The following C18orf54 variants were observed in gnomAD, a reference collection of about 807,000 sequenced individuals.
The protein encoded by C18orf54 is lung adenoma susceptibility protein 2.
In C18orf54, 49 loss-of-function variants were observed where a neutral mutation model predicts 49.3. The observed-to-expected ratio is 0.99, with a 90% CI of 0.79 to 1.26. C18orf54 has a LOEUF of 1.26. Ranked by LOEUF, C18orf54 falls within the 50% of genes most tolerant of loss-of-function variation. The probability of loss-of-function intolerance (pLI) is 0.00; values close to 1 mark genes in which losing one functional copy is unlikely to be tolerated. For missense variants in C18orf54, 687 were observed against 620.6 expected, an observed-to-expected ratio of 1.11 and a Z score of -1.14; for synonymous variants, 211 against 216.6, an observed-to-expected ratio of 0.97 and a Z score of 0.23.
At chr18:54,366,816 T>TG (rs1555684325) in intron 6 of C18orf54, among the ~76,000 whole-genome samples, 2 of 150,338 alleles carry the variant, frequency 1.3e-5, no homozygotes, top group Non-Finnish European at 3.0e-5. Flanking sequence ...GAGTGTTTAA[T>TG]AAAAAAAAAG....
At position 54,367,580 on chromosome 18, in the gene C18orf54, A is replaced by G. The variant is rs184933336; in HGVS notation, c.1326+1759A>G. Among the ~76,000 whole-genome samples the G allele has an allele frequency of 1.1e-3, 173 of 152,266 alleles. 4 individuals carry two copies. In the South Asian group the frequency reaches 0.03, roughly 27 times the overall value. On this transcript the variant is annotated intron_variant, in intron 6 of 8. Coordinates refer to ENST00000620105, the MANE Select transcript of C18orf54 (RefSeq NM_001288980.2). ...TGGCCTTTAAGGTTTCTGCAGAGAT[A>G]TCTACTGTCAGTCTAATGGGAATTC...
chr18:54,359,084 AACTT>A (rs1378861929), intron 2 of C18orf54, among the ~76,000 whole-genome samples: 1 of 152,196 alleles, frequency 6.6e-6, no homozygotes, highest in Admixed American at 6.5e-5. Context: ...TTCATAATGA[AACTT>A]AAATTGTGCA....
intron 7 of C18orf54, among the ~76,000 whole-genome samples, chr18:54,373,015 C>G (rs1035237151): frequency 4.0e-5 from 6 of 151,682 alleles, no homozygotes; most frequent in African/African-American, 1.4e-4. Context: ...AATTTTGTTA[C>G]TGTGTGTTCA....
At position 54,361,730 on chromosome 18, in the gene C18orf54, C is replaced by T. The variant is rs371045262; in HGVS notation, c.371C>T (p.Thr124Ile). The T allele has an allele frequency of 6.2e-7, 1 of 1,613,810 alleles. No homozygotes were observed. The highest frequency in any genetic ancestry group is 8.5e-7 in the Non-Finnish European group (1 of 1,179,844). Reference sequence around the variant, plus strand: ...AATGACATAGACTCCATGAGCCTAACAACTGATGATCTATTAAGACTCCCA... The same window carrying T: ...AATGACATAGACTCCATGAGCCTAATAACTGATGATCTATTAAGACTCCCA... The part of the protein sequence containing the change: ...TVNDIDSMSL[T>I]TDDLLRLPAD... Residue 124 changes from threonine (T) to isoleucine (I), a missense_variant, in exon 4 of 9, where the codon ACA becomes ATA. Coordinates refer to ENST00000620105, the MANE Select transcript of C18orf54 (RefSeq NM_001288980.2).
intron 5 of C18orf54, among the ~76,000 whole-genome samples, chr18:54,364,202 CCTT>C (rs1273866345): frequency 6.6e-6 from 1 of 151,470 alleles, no homozygotes; most frequent in South Asian, 2.1e-4. Flanking sequence ...CTTCTCTTAT[CCTT>C]CTTGTGTCCT....
At chr18:54,363,091 A>G (rs925920851) in intron 5 of C18orf54, among the ~76,000 whole-genome samples, 170 bp downstream of exon 5, 1 of 152,238 alleles carries the variant, frequency 6.6e-6, no homozygotes, top group African/African-American at 2.4e-5. Flanking sequence ...ACAAGATGGT[A>G]TAATGGTTCA....
chr18:54,380,176 T>C lies in C18orf54; in HGVS notation c.*1930T>C, dbSNP rs2089642798. The C allele has an allele frequency of 6.6e-6, 1 of 152,008 alleles. No individual in the cohort carries two copies. The highest frequency in any genetic ancestry group is 2.1e-4 in the South Asian group (1 of 4,828). 9.4% of individuals were successfully genotyped at this position (152,008 alleles called of 1,614,324 possible). A position where few individuals can be genotyped will look rare whatever the true frequency, so the allele number is the denominator to read the frequency against. ...ATCTAAGTGATAAACATTCAAGAAA[T>C]TCTCTAAATAAGAGATTTATTTATA... is the stretch of plus-strand genomic sequence containing the variant. On this transcript the variant is annotated 3_prime_UTR_variant, in exon 9 of 9. Coordinates refer to ENST00000620105, the MANE Select transcript of C18orf54 (RefSeq NM_001288980.2).
chr18:54,358,526 G>GT (rs2089195122), intron 1 of C18orf54: 1 of 152,332 alleles, frequency 6.6e-6, no homozygotes, highest in African/African-American at 2.4e-5. Flanking sequence ...CAAAGGGAGG[G>GT]TGTCGCCTGA....
intron 2 of C18orf54, among the ~76,000 whole-genome samples, 171 bp downstream of exon 2, chr18:54,359,041 T>C (rs1275960691): frequency 6.6e-6 from 1 of 152,126 alleles, no homozygotes; most frequent in Non-Finnish European, 1.5e-5. Context: ...ATTCTACTTT[T>C]GTATACTCTT....
At chr18:54,360,926 G>A (rs562318966) in intron 3 of C18orf54, 71 bp downstream of exon 3, 1 of 1,401,196 alleles carries the variant, frequency 7.1e-7, no homozygotes, top group Admixed American at 2.1e-5. Flanking sequence ...CTGTAGTATT[G>A]TAAAGTTTGA....
intron 8 of C18orf54, among the ~76,000 whole-genome samples, chr18:54,377,215 T>G (rs2089589964): frequency 1.3e-5 from 2 of 152,004 alleles, no homozygotes; most frequent in Non-Finnish European, 2.9e-5. Context: ...TGTTGTATTT[T>G]TAATAAAGAT....
chr18:54,360,886 T>C, intron 3 of C18orf54, 31 bp downstream of exon 3: 1 of 1,580,962 alleles, frequency 6.3e-7, no homozygotes. Flanking sequence ...TTCTTTGTGT[T>C]CAGATGTTTT....
At position 54,360,680 on chromosome 18, in the gene C18orf54, C is replaced by G; in HGVS notation, c.108C>G (p.Gly36=). The change falls in exon 3 of 9, where the codon GGC becomes GGG. Residue 36 remains glycine (G), a synonymous_variant. Coordinates refer to ENST00000620105, the MANE Select transcript of C18orf54 (RefSeq NM_001288980.2). ...GTAGTAATTCCTCTAATTCTGATGG[C>G]TCGTTTCACTATAAAGATAAGCTGT... is the stretch of plus-strand genomic sequence containing the variant. ...LSGSNSSNSD[G]SFHYKDKLYR... 1 of 1,614,092 alleles carries G rather than the reference C, an allele frequency of 6.2e-7. No homozygotes were observed. The highest frequency in any genetic ancestry group is 8.5e-7 in the Non-Finnish European group (1 of 1,179,964).
At chr18:54,371,661 C>G (rs2144745342) in intron 6 of C18orf54, among the ~76,000 whole-genome samples, 1 of 152,172 alleles carries the variant, frequency 6.6e-6, no homozygotes, top group Non-Finnish European at 1.5e-5. Flanking sequence ...ATCTTTTTAA[C>G]CATACTGCTT....
intron 6 of C18orf54, among the ~76,000 whole-genome samples, chr18:54,369,527 T>A (rs1236026888): frequency 7.5e-6 from 1 of 132,684 alleles, no homozygotes; most frequent in African/African-American, 2.8e-5. Flanking sequence ...TGGAGCGCAG[T>A]GGCACAATCT....
chr18:54,370,316 A>G (rs1391063738), intron 6 of C18orf54, among the ~76,000 whole-genome samples: 1 of 151,936 alleles, frequency 6.6e-6, no homozygotes, highest in Non-Finnish European at 1.5e-5. Flanking sequence ...ATGTGCAAGT[A>G]TTTACATACT....
chr18:54,380,497 A>G lies in C18orf54; in HGVS notation c.*2251A>G, dbSNP rs1306804986. 1 of 152,040 alleles carries G rather than the reference A, an allele frequency of 6.6e-6. No individual in the cohort carries two copies. Among genetic ancestry groups the G allele is most frequent in the Non-Finnish European group, 1.5e-5 (1 of 67,914 alleles). The allele number at this position is 152,040 out of a possible 1,614,324, so 9.4% of individuals were successfully genotyped here. On this transcript the variant is annotated 3_prime_UTR_variant, in exon 9 of 9. Transcript: ENST00000620105. ...AGATCAAGGGACAATGGTGTGACCA[A>G]TATGAAGGGTCAAGACTGAAATGTA...
intron 8 of C18orf54, 36 bp from the exon 9 acceptor site, chr18:54,378,138 A>T (rs371938513): frequency 2.5e-5 from 39 of 1,538,162 alleles, no homozygotes; most frequent in Non-Finnish European, 3.4e-5. Context: ...GTTCTTAATA[A>T]CTGGTTTATA....
At chr18:54,359,446 C>A (rs1231979075) in intron 2 of C18orf54, among the ~76,000 whole-genome samples, 4 of 152,162 alleles carry the variant, frequency 2.6e-5, no homozygotes, top group African/African-American at 4.8e-5. Context: ...CTTGTAATGG[C>A]CATTGCATGC....
Sources: allele counts gnomAD v4.1 joint callset (sites outside exome capture counted in the v4.1 genomes callset), GRCh38; gene constraint gnomAD v4.1.1; transcripts MANE v1.5; gene names NCBI Gene and HGNC (gene_info 2026-07-23, HGNC 2026-07-21).